The following SYT1 variants were observed in gnomAD, a reference collection of about 807,000 sequenced individuals.
SYT1 encodes synaptotagmin-1.
SYT1 carries 8 observed loss-of-function variants against 44.8 expected under a neutral mutation model. That is an observed-to-expected ratio of 0.18 (90% CI 0.10 to 0.32). The LOEUF is 0.32. SYT1 is among the 10% of genes least tolerant of loss of function. The probability of loss-of-function intolerance (pLI) is 1.00; values close to 1 mark genes in which losing one functional copy is unlikely to be tolerated. For synonymous variants in SYT1, 154 were observed against 188.8 expected (o/e 0.82, Z 1.51); for missense variants, 286 against 509.3 (o/e 0.56, Z 4.22).
chr12:79,072,704 T>C (rs1876368543), intron 3 of SYT1, among the ~76,000 whole-genome samples: 1 of 152,142 alleles, frequency 6.6e-6, no homozygotes, highest in South Asian at 2.1e-4. Flanking sequence ...TATTTAATCA[T>C]TATATTAAGA....
chr12:79,092,859 A>G (rs908231162), intron 3 of SYT1, among the ~76,000 whole-genome samples: 3 of 151,786 alleles, frequency 2.0e-5, no homozygotes, highest in African/African-American at 4.8e-5. Context: ...TACAATAGCC[A>G]TGGTTAAAAA....
chr12:79,304,926 A>C (rs943634518), intron 8 of SYT1, among the ~76,000 whole-genome samples: 1 of 152,094 alleles, frequency 6.6e-6, no homozygotes, highest in Admixed American at 6.5e-5. Flanking sequence ...ACTGCTACAG[A>C]AGTATAGATG....
intron 8 of SYT1, among the ~76,000 whole-genome samples, chr12:79,326,797 C>T (rs1301675354): frequency 1.3e-5 from 2 of 152,184 alleles, no homozygotes; most frequent in East Asian, 3.8e-4. Context: ...CACCACCATA[C>T]ACAAAGGCAT....
intron 1 of SYT1, among the ~76,000 whole-genome samples, chr12:78,887,470 A>C (rs927459430): frequency 6.6e-6 from 1 of 151,988 alleles, no homozygotes; most frequent in Non-Finnish European, 1.5e-5. Flanking sequence ...AGAAAGAATC[A>C]TATGCTGAGA....
chr12:79,270,487 C>G (rs1878363407), intron 4 of SYT1, among the ~76,000 whole-genome samples: 2 of 152,116 alleles, frequency 1.3e-5, no homozygotes, highest in South Asian at 4.1e-4. Context: ...ATATCTGGGA[C>G]TGTTACAAAT....
chr12:78,874,970 G>C (rs1451961585), intron 1 of SYT1, among the ~76,000 whole-genome samples: 4 of 151,536 alleles, frequency 2.6e-5, no homozygotes, highest in African/African-American at 2.4e-5. Flanking sequence ...AAGATAAGAA[G>C]AAAGTCCTTT....
intron 2 of SYT1, among the ~76,000 whole-genome samples, chr12:78,984,870 C>T (rs1222519678): frequency 4.0e-5 from 6 of 151,486 alleles, no homozygotes; most frequent in Non-Finnish European, 7.4e-5. Context: ...AATTTAGGTC[C>T]CACAATAGAA....
chr12:79,024,007 T>G (rs1872362680), intron 2 of SYT1, among the ~76,000 whole-genome samples: 1 of 151,668 alleles, frequency 6.6e-6, no homozygotes, highest in South Asian at 2.1e-4. Context: ...ATAGCTGGAG[T>G]TGTTTTAAAT....
At chr12:79,254,296 C>T (rs558283445) in intron 4 of SYT1, among the ~76,000 whole-genome samples, 111 of 152,312 alleles carry the variant, frequency 7.3e-4, no homozygotes, top group Admixed American at 1.5e-3. Context: ...GACACAGCTA[C>T]TCTTCCTATG....
At chr12:79,338,924 T>C (rs534719258) in intron 8 of SYT1, among the ~76,000 whole-genome samples, 26 of 151,408 alleles carry the variant, frequency 1.7e-4, no homozygotes, top group African/African-American at 6.1e-4. Flanking sequence ...CAGTGTTTGT[T>C]TTTCTGTCCT....
intron 2 of SYT1, among the ~76,000 whole-genome samples, chr12:79,001,792 G>A (rs571175313): frequency 2.6e-5 from 4 of 152,224 alleles, no homozygotes; most frequent in Admixed American, 1.3e-4. Flanking sequence ...CTTGCTGAAA[G>A]GTACAGACTT....
chr12:79,112,236 C>A (rs181911884), intron 3 of SYT1, among the ~76,000 whole-genome samples: 1 of 151,892 alleles, frequency 6.6e-6, no homozygotes, highest in South Asian at 2.1e-4. Flanking sequence ...GAATCTGAGA[C>A]AAAACTTGAA....
intron 3 of SYT1, among the ~76,000 whole-genome samples, chr12:79,057,704 T>A (rs1450410688): frequency 6.6e-6 from 1 of 151,992 alleles, no homozygotes; most frequent in Admixed American, 6.6e-5. Flanking sequence ...AGACTCACCA[T>A]GCAGGGGTGT....
At chr12:78,986,047 G>A (rs555402751) in intron 2 of SYT1, among the ~76,000 whole-genome samples, 16 of 151,984 alleles carry the variant, frequency 1.1e-4, no homozygotes, top group Non-Finnish European at 1.9e-4. Context: ...AACTTAACTG[G>A]TTTTATCAGA....
chr12:79,158,906 A>T (rs1425811554), intron 3 of SYT1, among the ~76,000 whole-genome samples: 1 of 152,106 alleles, frequency 6.6e-6, no homozygotes, highest in African/African-American at 2.4e-5. Context: ...AAAAAAAAAA[A>T]ATTGATAAAA....
In SYT1 at chr12:79,377,401, TA is replaced by T. The variant is rs369847433; in HGVS notation, c.928+23784del. On this transcript the variant is annotated intron_variant, in intron 9 of 10. Transcript: ENST00000261205. ...TCTAGGATTACGGTAACATGTGTTTTAAGGTGTTTATTTTCTAAATAGCTTA... is the reference window on the plus strand; with the variant it reads ...TCTAGGATTACGGTAACATGTGTTTTAGGTGTTTATTTTCTAAATAGCTTA... Among the ~76,000 whole-genome samples the T allele has an allele frequency of 1.2e-3, 184 of 152,344 alleles. 1 individual carries two copies. Among genetic ancestry groups the T allele is most frequent in the African/African-American group, 4.1e-3 (170 of 41,590 alleles).
At chr12:79,064,965 AAAGAAAG>A (rs1161825523) in intron 3 of SYT1, among the ~76,000 whole-genome samples, 5 of 150,700 alleles carry the variant, frequency 3.3e-5, no homozygotes, top group Admixed American at 6.6e-5. Context: ...AGAAAGAAAG[AAAGAAAG>A]AAAGAAAGAA....
At chr12:79,247,282 C>T (rs1876907485) in intron 4 of SYT1, among the ~76,000 whole-genome samples, 1 of 152,074 alleles carries the variant, frequency 6.6e-6, no homozygotes, top group Admixed American at 6.6e-5. Flanking sequence ...CTCCCATTTA[C>T]CGGTACTTTC....
chr12:79,308,525 G>GA (rs1363146480), intron 8 of SYT1, among the ~76,000 whole-genome samples: 1 of 114,936 alleles, frequency 8.7e-6, no homozygotes, highest in African/African-American at 3.5e-5. Flanking sequence ...AAGAAAGAAA[G>GA]AAGAAATAAA....
Sources: allele counts gnomAD v4.1 joint callset (sites outside exome capture counted in the v4.1 genomes callset), GRCh38; gene constraint gnomAD v4.1.1; transcripts MANE v1.5; gene names NCBI Gene and HGNC (gene_info 2026-07-23, HGNC 2026-07-21).